MAPKAP1: variants seen among roughly 807,000 people sequenced by gnomAD.
MAPKAP1 encodes MAPK associated protein 1, also known as target of rapamycin complex 2 subunit MAPKAP1.
In MAPKAP1, 20 loss-of-function variants were observed where a neutral mutation model predicts 65.7. That is an observed-to-expected ratio of 0.30 (90% CI 0.21 to 0.44). The LOEUF is 0.44. Among genes scored for constraint, MAPKAP1 ranks in the 20% least tolerant of loss-of-function variants. The pLI, the probability that MAPKAP1 is intolerant of heterozygous loss-of-function variation, is 1.00. For missense variants in MAPKAP1, 423 were observed against 648.0 expected (o/e 0.65, Z 3.77); for synonymous variants, 222 against 244.3 (o/e 0.91, Z 0.85).
At chr9:125,579,908 A>G (rs1831564933) in intron 5 of MAPKAP1, among the ~76,000 whole-genome samples, 1 of 152,236 alleles carries the variant, frequency 6.6e-6, no homozygotes, top group Non-Finnish European at 1.5e-5. Context: ...TTTAGACTCA[A>G]TATAATCATG....
At chr9:125,698,301 ATATATAT>A (rs1835475621) in intron 1 of MAPKAP1, among the ~76,000 whole-genome samples, 1 of 16,096 alleles carries the variant, frequency 6.2e-5, no homozygotes, top group East Asian at 1.1e-3. Flanking sequence ...ATATATATAT[ATATATAT>A]ATATATATAT....
intron 4 of MAPKAP1, among the ~76,000 whole-genome samples, chr9:125,610,943 C>G (rs1296462671): frequency 1.3e-5 from 2 of 151,906 alleles, no homozygotes; most frequent in African/African-American, 2.4e-5. Flanking sequence ...GAAATAGGCC[C>G]AGAAAGACTG....
intron 4 of MAPKAP1, among the ~76,000 whole-genome samples, chr9:125,646,175 T>A (rs1833720815): frequency 6.6e-6 from 1 of 152,012 alleles, no homozygotes; most frequent in African/African-American, 2.4e-5. Context: ...AGCCTTTGGG[T>A]GGTGAAAAGA....
chr9:125,474,543 G>C (rs998897360), intron 9 of MAPKAP1, among the ~76,000 whole-genome samples: 2 of 152,140 alleles, frequency 1.3e-5, no homozygotes, highest in Admixed American at 6.5e-5. Context: ...AATCAAATTA[G>C]TAAACTGGAG....
chr9:125,660,908 A>G (rs1834166624), intron 3 of MAPKAP1, among the ~76,000 whole-genome samples: 1 of 152,234 alleles, frequency 6.6e-6, no homozygotes, highest in East Asian at 1.9e-4. Context: ...TGAGGAGAAA[A>G]ATTGATAAAC....
At chr9:125,637,596 T>G (rs1431469306) in intron 4 of MAPKAP1, among the ~76,000 whole-genome samples, 1 of 152,204 alleles carries the variant, frequency 6.6e-6, no homozygotes, top group Non-Finnish European at 1.5e-5. Flanking sequence ...TTCATTCATT[T>G]CACAAATAAT....
At chr9:125,684,880 C>T (rs752545763) in intron 1 of MAPKAP1, among the ~76,000 whole-genome samples, 17 of 152,154 alleles carry the variant, frequency 1.1e-4, no homozygotes, top group Non-Finnish European at 2.5e-4. Flanking sequence ...CACCATGCTG[C>T]CCAGACTGGT....
Position 125,595,886 on chromosome 9 carries a change from G to A in MAPKAP1, c.499-10159C>T, listed in dbSNP as rs1832110779. 5.9e-6 allele frequency: 7 copies of A among 1,182,486 alleles called. No individual in the cohort carries two copies. In the Admixed American group the frequency reaches 8.4e-5, roughly 14 times the overall value. The allele number at this position is 1,182,486 out of a possible 1,614,324, so 73.2% of individuals were successfully genotyped here. ...GGAGGAGGTGGATGCAGCCATGAAT[G>A]CAAGGCCACACAAGGTGGATCGGAG... is the stretch of plus-strand genomic sequence containing the variant. On this transcript the variant is annotated intron_variant, in intron 4 of 11. Transcript: ENST00000265960. The surrounding 1 kb of genome is among the most constrained non-coding windows in gnomAD (Gnocchi z 4.0).
At chr9:125,596,409 AC>A in intron 4 of MAPKAP1, 1 of 813,550 alleles carries the variant, frequency 1.2e-6, no homozygotes, top group Middle Eastern at 3.5e-4. Context: ...TGGATTTGGT[AC>A]TGATGGAAGC....
intron 4 of MAPKAP1, among the ~76,000 whole-genome samples, chr9:125,628,058 A>G (rs1304224785): frequency 1.3e-5 from 2 of 152,196 alleles, no homozygotes; most frequent in South Asian, 2.1e-4. Flanking sequence ...TAAACTGGAC[A>G]TTGCCCTGTC....
At chr9:125,660,362 T>C (rs893549722) in intron 3 of MAPKAP1, among the ~76,000 whole-genome samples, 2 of 152,186 alleles carry the variant, frequency 1.3e-5, no homozygotes, top group African/African-American at 4.8e-5. Flanking sequence ...TATAAATGTA[T>C]ATGTCTGTCA....
intron 4 of MAPKAP1, among the ~76,000 whole-genome samples, chr9:125,608,386 A>C (rs1208535414): frequency 6.6e-6 from 1 of 152,226 alleles, no homozygotes; most frequent in Non-Finnish European, 1.5e-5. Context: ...AATGGCACTG[A>C]CAGTGGATGC....
chr9:125,461,515 G>T (rs775626144), intron 10 of MAPKAP1, among the ~76,000 whole-genome samples: 3 of 152,180 alleles, frequency 2.0e-5, no homozygotes, highest in Non-Finnish European at 4.4e-5. Context: ...ATTGGATAGT[G>T]TAATTAAACT....
chr9:125,641,892 C>A (rs759564335), intron 4 of MAPKAP1, among the ~76,000 whole-genome samples: 1 of 152,068 alleles, frequency 6.6e-6, no homozygotes, highest in Non-Finnish European at 1.5e-5. Flanking sequence ...ATTAGCCAGG[C>A]ATGGTGGCGC....
chr9:125,488,132 TA>T (rs1854561175), intron 8 of MAPKAP1, among the ~76,000 whole-genome samples: 1 of 152,192 alleles, frequency 6.6e-6, no homozygotes, highest in African/African-American at 2.4e-5. Context: ...TCTGATAGCG[TA>T]AATTCATATC....
In MAPKAP1 at chr9:125,678,329, G is replaced by A. The variant is rs532779743; in HGVS notation, c.-69-5686C>T. On this transcript the variant is annotated intron_variant, in intron 1 of 11. Transcript: ENST00000265960. ...GCTATCTCTGCTCACTGCAAGCTCC[G>A]CCTCCCGGGTTCACGCCACTCTCCT... Among the ~76,000 whole-genome samples, 261 of 151,300 alleles carry A rather than the reference G, an allele frequency of 1.7e-3. 1 individual carries two copies. The highest frequency in any genetic ancestry group is 6.1e-3 in the African/African-American group (252 of 41,146).
At chr9:125,451,774 T>C (rs1852958419) in intron 10 of MAPKAP1, among the ~76,000 whole-genome samples, 1 of 151,800 alleles carries the variant, frequency 6.6e-6, no homozygotes, top group South Asian at 2.1e-4. Flanking sequence ...CTTTTGATCA[T>C]GTCTTCTGCA....
At chr9:125,497,223 C>G (rs1344404704) in intron 8 of MAPKAP1, among the ~76,000 whole-genome samples, 3 of 152,102 alleles carry the variant, frequency 2.0e-5, no homozygotes, top group African/African-American at 7.2e-5. Flanking sequence ...TGAGTTGAGG[C>G]CCTTCCTCAG....
chr9:125,658,582 A>G (rs1242280454), intron 3 of MAPKAP1, among the ~76,000 whole-genome samples: 1 of 152,248 alleles, frequency 6.6e-6, no homozygotes, highest in African/African-American at 2.4e-5. Context: ...AGGCTCTTAT[A>G]CATTAGGGCA....
Sources: gnomAD v4.1 joint callset for allele counts (sites outside exome capture counted in the v4.1 genomes callset) on GRCh38, gnomAD v4.1.1 for gene constraint, Gnocchi (gnomAD v3.1) non-coding constraint, MANE v1.5 for transcripts, NCBI Gene and HGNC (gene_info 2026-07-23, HGNC 2026-07-21) for gene names.